The following DLGAP2 variants were observed in gnomAD, a reference collection of about 807,000 sequenced individuals.
The protein encoded by DLGAP2 is DLG associated protein 2.
Under a neutral mutation model 100.3 loss-of-function variants are expected in DLGAP2, and 26 were observed. That is an observed-to-expected ratio of 0.26 (90% CI 0.19 to 0.36). DLGAP2 has a LOEUF of 0.36. Among genes scored for constraint, DLGAP2 ranks in the 10% least tolerant of loss-of-function variants. DLGAP2 has a pLI of 1.00. For missense variants in DLGAP2, 1,858 were observed against 1,453.2 expected (o/e 1.28, Z -4.53); for synonymous variants, 886 against 630.1 (o/e 1.41, Z -6.08).
chr8:1,286,252 T>C (rs1443780681), intron 3 of DLGAP2, among the ~76,000 whole-genome samples: 2 of 152,190 alleles, frequency 1.3e-5, no homozygotes, highest in African/African-American at 2.4e-5. Flanking sequence ...CCTTCTGCCA[T>C]GATTGTAAGT....
At chr8:1,045,273 G>T (rs1802484287) in intron 2 of DLGAP2, among the ~76,000 whole-genome samples, 1 of 152,250 alleles carries the variant, frequency 6.6e-6, no homozygotes, top group Non-Finnish European at 1.5e-5. Context: ...TAGTTTGGTT[G>T]TCAGCATTAA....
intron 4 of DLGAP2, among the ~76,000 whole-genome samples, chr8:1,506,255 C>G (rs1015852302): frequency 6.6e-6 from 1 of 152,194 alleles, no homozygotes; most frequent in Non-Finnish European, 1.5e-5. Context: ...AAAAACCCAG[C>G]TCTACCTATA....
chr8:1,253,373 C>A (rs935887673), intron 2 of DLGAP2, among the ~76,000 whole-genome samples: 1 of 152,218 alleles, frequency 6.6e-6, no homozygotes, highest in African/African-American at 2.4e-5. Flanking sequence ...GGGTTGGTGT[C>A]AGGAGGGAGG....
intron 1 of DLGAP2, among the ~76,000 whole-genome samples, chr8:845,678 G>C (rs1797059283): frequency 6.6e-6 from 1 of 152,126 alleles, no homozygotes. Flanking sequence ...ATGATATCCA[G>C]TTTATTTCTT....
At chr8:977,911 C>T (rs77415544) in intron 2 of DLGAP2, among the ~76,000 whole-genome samples, 1 of 18,904 alleles carries the variant, frequency 5.3e-5, no homozygotes, top group African/African-American at 1.8e-4. Flanking sequence ...TGAGGGGCTG[C>T]GTTCTGGTCT....
At chr8:1,023,125 C>T (rs963873932) in intron 2 of DLGAP2, among the ~76,000 whole-genome samples, 1 of 152,300 alleles carries the variant, frequency 6.6e-6, no homozygotes. Context: ...TGGCGTGATG[C>T]CGATTTTCAA....
At chr8:752,937 G>A (rs1820828880) in intron 1 of DLGAP2, among the ~76,000 whole-genome samples, 1 of 152,154 alleles carries the variant, frequency 6.6e-6, no homozygotes, top group Non-Finnish European at 1.5e-5. Flanking sequence ...ACCCTCACTC[G>A]GTTCCCAATT....
chr8:1,572,104 TGGAGA>T (rs1186707856), intron 6 of DLGAP2, among the ~76,000 whole-genome samples: 1 of 119,290 alleles, frequency 8.4e-6, no homozygotes, highest in African/African-American at 3.4e-5. Flanking sequence ...TCTGATGAGA[TGGAGA>T]GGAGAGAGGG....
intron 1 of DLGAP2, among the ~76,000 whole-genome samples, chr8:770,519 G>A (rs1019664236): frequency 7.9e-5 from 12 of 152,148 alleles, no homozygotes; most frequent in Non-Finnish European, 1.5e-4. Context: ...GCTTTACAGG[G>A]CTGCCAATCC....
At chr8:768,647 ACCT>A (rs1166686526) in intron 1 of DLGAP2, among the ~76,000 whole-genome samples, 1 of 151,560 alleles carries the variant, frequency 6.6e-6, no homozygotes, top group African/African-American at 2.4e-5. Context: ...GATGGTCTTG[ACCT>A]CCTGACCTCA....
In DLGAP2 at chr8:1,701,527, C is replaced by G; in HGVS notation, c.*121C>G. ...TGAACACGTCCTCGCTCCCGCGCTC[C>G]CCGCGCCCCGGACACAGCGGGACGC... On this transcript the variant is annotated 3_prime_UTR_variant, in exon 15 of 15. Transcript: ENST00000637795. 1.8e-6 allele frequency: 2 copies of G among 1,115,486 alleles called. No individual in the cohort carries two copies. The highest frequency in any genetic ancestry group is 2.8e-5 in the Admixed American group (1 of 35,184). 69.1% of individuals were successfully genotyped at this position (1,115,486 alleles called of 1,614,324 possible). A position where few individuals can be genotyped will look rare whatever the true frequency, so the allele number is the denominator to read the frequency against.
chr8:885,878 C>T (rs1281044280), intron 1 of DLGAP2, among the ~76,000 whole-genome samples: 1 of 152,174 alleles, frequency 6.6e-6, no homozygotes, highest in Non-Finnish European at 1.5e-5. Context: ...TGTTGTGTCT[C>T]TTCCTGGTTT....
intron 14 of DLGAP2, among the ~76,000 whole-genome samples, chr8:1,699,906 G>A (rs1444014674): frequency 2.0e-5 from 3 of 152,216 alleles, no homozygotes; most frequent in Non-Finnish European, 4.4e-5. Context: ...ACCAAAAGAG[G>A]AAACAGATCC....
At chr8:915,440 G>T (rs1185417730) in intron 2 of DLGAP2, among the ~76,000 whole-genome samples, 1 of 152,042 alleles carries the variant, frequency 6.6e-6, no homozygotes, top group Non-Finnish European at 1.5e-5. Context: ...CTAGCTACTC[G>T]GGAGGCTGAG....
At chr8:1,190,569 C>T (rs925374998) in intron 2 of DLGAP2, among the ~76,000 whole-genome samples, 4 of 152,172 alleles carry the variant, frequency 2.6e-5, no homozygotes, top group Admixed American at 6.5e-5. Context: ...TCTCACAGGG[C>T]ACTGCGAGCC....
rs114257536 is a variant in DLGAP2 at position 1,199,318 on chromosome 8, C to A, written c.74-59533C>A. ...CAATATTTGAGCAGGTTGAGCTTCTCCCTGGTGATCTCTTTTGGCTATTAA... is the reference window on the plus strand; with the variant it reads ...CAATATTTGAGCAGGTTGAGCTTCTACCTGGTGATCTCTTTTGGCTATTAA... On this transcript the variant is annotated intron_variant, in intron 2 of 14. Coordinates refer to ENST00000637795, the MANE Select transcript of DLGAP2 (RefSeq NM_001346810.2). 5.5e-3 allele frequency among the ~76,000 whole-genome samples: 838 copies of A among 152,296 alleles called. 4 individuals carry two copies. The highest frequency in any genetic ancestry group is 0.019 in the African/African-American group (809 of 41,546).
intron 3 of DLGAP2, among the ~76,000 whole-genome samples, chr8:1,494,211 T>C (rs1799478918): frequency 6.6e-6 from 1 of 152,258 alleles, no homozygotes; most frequent in African/African-American, 2.4e-5. Flanking sequence ...AGTCTTTTCT[T>C]ATGAGCAATT....
At chr8:884,514 G>T (rs1309014832) in intron 1 of DLGAP2, among the ~76,000 whole-genome samples, 2 of 151,472 alleles carry the variant, frequency 1.3e-5, no homozygotes, top group Non-Finnish European at 2.9e-5. Context: ...TAAGTTCCTT[G>T]TAAATTCTGG....
At chr8:1,156,591 C>CAGCGCCCCAGCCT (rs1486256579) in intron 2 of DLGAP2, among the ~76,000 whole-genome samples, 2 of 99,174 alleles carry the variant, frequency 2.0e-5, no homozygotes, top group African/African-American at 3.7e-5. Flanking sequence ...CCCCCCAGCC[C>CAGCGCCCCAGCCT]AGCGCCCCAG....
Sources: allele counts gnomAD v4.1 joint callset (sites outside exome capture counted in the v4.1 genomes callset), GRCh38; gene constraint gnomAD v4.1.1; transcripts MANE v1.5; gene names NCBI Gene and HGNC (gene_info 2026-07-23, HGNC 2026-07-21).